ATP2C2: variants seen among roughly 807,000 people sequenced by gnomAD.
ATP2C2 encodes calcium-transporting ATPase type 2C member 2.
A neutral mutation model predicts 110.8 loss-of-function variants in ATP2C2; 171 were observed. That is an observed-to-expected ratio of 1.54 (90% confidence interval 1.36 to 1.75). ATP2C2 has a LOEUF of 1.75. Ranked by LOEUF, ATP2C2 falls within the 40% of genes most tolerant of loss-of-function variation. ATP2C2 has a pLI of 0.00. For synonymous variants in ATP2C2, 804 were observed against 508.4 expected, an observed-to-expected ratio of 1.58 and a Z score of -7.82; for missense variants, 1,963 against 1,235.0, an observed-to-expected ratio of 1.59 and a Z score of -8.84.
rs184564752 is a variant in ATP2C2 at position 84,376,227 on chromosome 16, G to A, written c.99+7513G>A. On this transcript the variant is annotated intron_variant, in intron 1 of 26. Transcript: ENST00000262429. Reference sequence around the variant, plus strand: ...GGAGTTTGGAATGACCAAGGGCAGGGAGGAAAGGTCTCTGGTTCAAGGAAG... The same window carrying A: ...GGAGTTTGGAATGACCAAGGGCAGGAAGGAAAGGTCTCTGGTTCAAGGAAG... Among the ~76,000 whole-genome samples, 179 of 152,310 alleles carry A rather than the reference G, an allele frequency of 1.2e-3. 1 individual carries two copies. Among genetic ancestry groups the A allele is most frequent in the African/African-American group, 4.0e-3 (165 of 41,572 alleles).
chr16:84,394,230 A>C (rs73243710), intron 1 of ATP2C2, among the ~76,000 whole-genome samples: 6,797 of 152,090 alleles, frequency 0.045, 507 homozygotes, highest in African/African-American at 0.15. Flanking sequence ...AAATTCACAT[A>C]ACAAAATCAA....
chr16:84,463,563 G>A (rs891258), intron 26 of ATP2C2, 51 bp from the exon 27 acceptor site: 376,943 of 1,508,692 alleles, frequency 0.25, 49,913 homozygotes, highest in South Asian at 0.43. Flanking sequence ...TCCTGCCGGC[G>A]CAACAGAGCT....
At chr16:84,446,482 C>T in intron 16 of ATP2C2, 52 bp downstream of exon 16, 2 of 1,352,178 alleles carry the variant, frequency 1.5e-6, no homozygotes, top group East Asian at 5.0e-5. Flanking sequence ...GGGCCCCCAC[C>T]CAGAGATAAA....
At position 84,410,739 on chromosome 16, in the gene ATP2C2, C is replaced by G; in HGVS notation, c.489C>G (p.Thr163=). 1.2e-6 allele frequency: 2 copies of G among 1,614,162 alleles called. No individual in the cohort carries two copies. The highest frequency in any genetic ancestry group is 1.7e-6 in the Non-Finnish European group (2 of 1,180,020). ...CGGAGAAATCTCTGGAAGAGCTGAC[C>G]AAGCTGGTTCCTCCAGAATGTAACT... is the stretch of plus-strand genomic sequence containing the variant. ...YRSEKSLEEL[T]KLVPPECNCL... The change falls in exon 6 of 27, where the codon ACC becomes ACG. Residue 163 remains threonine, a synonymous_variant. Coordinates refer to ENST00000262429, the MANE Select transcript of ATP2C2 (RefSeq NM_014861.4).
intron 4 of ATP2C2, among the ~76,000 whole-genome samples, chr16:84,408,879 A>C (rs1005669778): frequency 1.3e-5 from 2 of 152,042 alleles, no homozygotes; most frequent in African/African-American, 2.4e-5. Context: ...TTTAGATGAA[A>C]TTCACATAAT....
chr16:84,432,677 C>A (rs1353332507), intron 11 of ATP2C2, among the ~76,000 whole-genome samples: 1 of 152,092 alleles, frequency 6.6e-6, no homozygotes, highest in Non-Finnish European at 1.5e-5. Flanking sequence ...CCTGCCACCA[C>A]ACCCAGCTAA....
intron 17 of ATP2C2, 87 bp from the exon 18 acceptor site, chr16:84,451,834 C>A: frequency 7.4e-7 from 1 of 1,350,450 alleles, no homozygotes; most frequent in Non-Finnish European, 1.0e-6. Flanking sequence ...ACAAAACTCT[C>A]TTAAAAAACA....
At position 84,461,855 on chromosome 16, in the gene ATP2C2, G is replaced by C. The variant is rs373768905; in HGVS notation, c.2580+43G>C. The C allele has an allele frequency of 1.1e-5, 17 of 1,607,412 alleles. No homozygotes were observed. In the African/African-American group the frequency reaches 2.1e-4, roughly 20 times the overall value. On this transcript the variant is annotated intron_variant, in intron 25 of 26. Transcript: ENST00000262429. ...CCTCCTCGCTGCAGAGCTGCTGTGTGTTCTCGACAGCAGCGCCCCGACCCT... is the reference window on the plus strand; with the variant it reads ...CCTCCTCGCTGCAGAGCTGCTGTGTCTTCTCGACAGCAGCGCCCCGACCCT...
intron 24 of ATP2C2, chr16:84,461,343 C>T (rs1567468395): frequency 3.0e-6 from 1 of 335,830 alleles, no homozygotes; most frequent in Non-Finnish European, 5.5e-6. Context: ...CTCCATTTTC[C>T]CTCCAGCTCT....
chr16:84,454,469 C>G (rs1910602518), intron 20 of ATP2C2, among the ~76,000 whole-genome samples: 1 of 152,114 alleles, frequency 6.6e-6, no homozygotes, highest in African/African-American at 2.4e-5. Flanking sequence ...TACCAGGTAC[C>G]CCATGGTTTC....
chr16:84,422,720 G>C (rs780354997), intron 9 of ATP2C2, 23 bp downstream of exon 9: 3 of 1,589,308 alleles, frequency 1.9e-6, no homozygotes, highest in Non-Finnish European at 2.6e-6. Context: ...AGGGGGCTTC[G>C]GGACTTTTGT....
chr16:84,368,566 G>A lies in ATP2C2; in HGVS notation c.-50G>A. 7.1e-7 allele frequency: 1 copy of A among 1,414,894 alleles called. No individual in the cohort carries two copies. The highest frequency in any genetic ancestry group is 9.6e-7 in the Non-Finnish European group (1 of 1,038,034). 87.6% of individuals were successfully genotyped at this position (1,414,894 alleles called of 1,614,324 possible). Reference sequence around the variant, plus strand: ...AGGCTTGGGCGCGCGCAGCCATCCCGGGCCTCGCCGGGGACCTAGGGACGC... The same window carrying A: ...AGGCTTGGGCGCGCGCAGCCATCCCAGGCCTCGCCGGGGACCTAGGGACGC... On this transcript the variant is annotated 5_prime_UTR_variant, in exon 1 of 27. Transcript: ENST00000262429.
At chr16:84,421,530 T>A (rs943526716) in intron 7 of ATP2C2, among the ~76,000 whole-genome samples, 1 of 152,204 alleles carries the variant, frequency 6.6e-6, no homozygotes, top group African/African-American at 2.4e-5. Flanking sequence ...GTTACATGCT[T>A]ACATGACCAG....
chr16:84,374,945 A>T (rs970969778), intron 1 of ATP2C2, among the ~76,000 whole-genome samples: 1 of 152,206 alleles, frequency 6.6e-6, no homozygotes, highest in Non-Finnish European at 1.5e-5. Flanking sequence ...AATCATATAG[A>T]GTATTTAGAT....
intron 17 of ATP2C2, among the ~76,000 whole-genome samples, chr16:84,451,397 G>A (rs1399280979): frequency 6.6e-6 from 1 of 152,206 alleles, no homozygotes; most frequent in South Asian, 2.1e-4. Flanking sequence ...TTTCTGCTAT[G>A]CAGCTGTTTC....
rs774747890 is a variant in ATP2C2, at chr16:84,405,124, C to T, written c.211-4C>T. The stretch of plus-strand genomic sequence containing the variant: ...GTGAGCTTGTGCCTGACCTCTCCTT[C>T]CAGGTGGACTTACACACTGGGCTGT... On this transcript the variant is annotated splice_polypyrimidine_tract_variant and splice_region_variant and intron_variant, in intron 2 of 26. Transcript: ENST00000262429. The T allele has an allele frequency of 6.2e-7, 1 of 1,613,320 alleles. No individual in the cohort carries two copies. Among genetic ancestry groups the T allele is most frequent in the Non-Finnish European group, 8.5e-7 (1 of 1,179,538 alleles).
At chr16:84,387,110 C>T (rs549821616) in intron 1 of ATP2C2, among the ~76,000 whole-genome samples, 25 of 149,496 alleles carry the variant, frequency 1.7e-4, no homozygotes, top group South Asian at 1.3e-3. Context: ...AAGCATGCCG[C>T]GCTCTGAGAA....
chr16:84,392,826 C>T (rs538699581), intron 1 of ATP2C2, among the ~76,000 whole-genome samples: 2 of 152,114 alleles, frequency 1.3e-5, no homozygotes, highest in African/African-American at 4.8e-5. Context: ...CTACAGTTCC[C>T]ACAGTCTAGT....
At chr16:84,415,906 C>G (rs1002609829) in intron 7 of ATP2C2, among the ~76,000 whole-genome samples, 1 of 152,106 alleles carries the variant, frequency 6.6e-6, no homozygotes, top group African/African-American at 2.4e-5. Context: ...AGTTGCCTCT[C>G]AAAACAGACA....
Sources: gnomAD v4.1 joint callset for allele counts (sites outside exome capture counted in the v4.1 genomes callset) on GRCh38, gnomAD v4.1.1 for gene constraint, MANE v1.5 for transcripts, NCBI Gene and HGNC (gene_info 2026-07-23, HGNC 2026-07-21) for gene names.